TPRG1: variants seen among roughly 807,000 people sequenced by gnomAD.
TPRG1 encodes tumor protein p63-regulated gene 1 protein.
A neutral mutation model predicts 29.3 loss-of-function variants in TPRG1; 29 were observed. That is an observed-to-expected ratio of 0.99 (90% CI 0.74 to 1.35). The LOEUF is 1.35. Among genes scored for constraint, TPRG1 ranks in the 40% most tolerant of loss-of-function variants. The probability of loss-of-function intolerance (pLI) is 0.00; values close to 1 mark genes in which losing one functional copy is unlikely to be tolerated. For missense variants in TPRG1, 327 were observed against 335.0 expected (o/e 0.98, Z 0.19); for synonymous variants, 130 against 116.8 (o/e 1.11, Z -0.73).
At chr3:189,121,839 A>AAG (rs1021863479) in intron 1 of TPRG1, 31 of 152,146 alleles carry the variant, frequency 2.0e-4, no homozygotes, top group African/African-American at 7.0e-4. Context: ...CCCAATGAAG[A>AAG]AGAGCAGATT....
At chr3:189,199,595 T>A (rs551722193) in intron 1 of TPRG1, among the ~76,000 whole-genome samples, 132 of 152,240 alleles carry the variant, frequency 8.7e-4, no homozygotes, top group African/African-American at 2.1e-3. Context: ...ATCCCAGCAC[T>A]TTTGGGAAGC....
chr3:189,270,365 T>C (rs1714910070), intron 4 of TPRG1, among the ~76,000 whole-genome samples: 1 of 152,210 alleles, frequency 6.6e-6, no homozygotes, highest in African/African-American at 2.4e-5. Context: ...TTCTGAGATT[T>C]CAAATACATT....
intron 3 of TPRG1, among the ~76,000 whole-genome samples, chr3:189,007,450 G>A (rs1246183125): frequency 1.3e-5 from 2 of 151,870 alleles, no homozygotes; most frequent in Non-Finnish European, 2.9e-5. Flanking sequence ...TTGTTGGTGG[G>A]ACTGTAAACT....
intron 3 of TPRG1, among the ~76,000 whole-genome samples, chr3:189,143,314 T>G (rs1724827394): frequency 6.6e-6 from 1 of 152,226 alleles, no homozygotes; most frequent in African/African-American, 2.4e-5. Context: ...TTTCTCCGAA[T>G]GACATCTATA....
At chr3:189,306,843 G>GA (rs11449933) in intron 4 of TPRG1, among the ~76,000 whole-genome samples, 54,891 of 151,918 alleles carry the variant, frequency 0.36, 10,471 homozygotes, top group Middle Eastern at 0.42. Context: ...GTGACCTACA[G>GA]ATCAGAAAGG....
intron 4 of TPRG1, among the ~76,000 whole-genome samples, chr3:189,048,863 C>T (rs936783747): frequency 3.3e-5 from 5 of 152,220 alleles, no homozygotes; most frequent in Non-Finnish European, 1.5e-5. Context: ...GTCCGCAACA[C>T]ACACCCCCAC....
intron 1 of TPRG1, among the ~76,000 whole-genome samples, chr3:189,000,330 T>A (rs1169227642): frequency 6.6e-6 from 1 of 152,300 alleles, no homozygotes; most frequent in South Asian, 2.1e-4. Flanking sequence ...ACATCAACCA[T>A]ATTTTTAAAG....
intron 4 of TPRG1, among the ~76,000 whole-genome samples, chr3:189,026,898 C>G (rs546831319): frequency 1.3e-5 from 2 of 152,300 alleles, no homozygotes; most frequent in East Asian, 3.9e-4. Flanking sequence ...AGAGCATTGA[C>G]TCCACACCCA....
intron 1 of TPRG1, among the ~76,000 whole-genome samples, chr3:189,195,677 G>A (rs917301151): frequency 1.3e-5 from 2 of 152,230 alleles, no homozygotes; most frequent in Non-Finnish European, 1.5e-5. Context: ...CTTAGTGCCT[G>A]TGAGCACAGC....
chr3:189,150,613 C>T (rs1269317871), intron 4 of TPRG1: 1 of 152,158 alleles, frequency 6.6e-6, no homozygotes, highest in Non-Finnish European at 1.5e-5. Flanking sequence ...ACCAGGATCA[C>T]AATACATGAT....
At chr3:189,238,974 C>T (rs982554972) in intron 4 of TPRG1, 65 bp downstream of exon 4, 66 of 1,432,046 alleles carry the variant, frequency 4.6e-5, no homozygotes, top group South Asian at 1.1e-4. Context: ...GAAAACAAGC[C>T]GAAAATTCAG....
chr3:189,320,812 G>A lies in TPRG1; in HGVS notation c.820G>A (p.Gly274Ser). Residue 274 changes from glycine (G) to serine (S), a missense_variant, in exon 6 of 6, where the codon GGT (glycine) becomes AGT (serine). Transcript: ENST00000345063. ...LGYSLARGSI[G>S]F ...CTATTCCCTTGCCCGTGGGAGTATT[G>A]GTTTTTGAGAGTCTTTTTGGTACCA... The A allele has an allele frequency of 6.3e-7, 1 of 1,578,308 alleles. No individual in the cohort carries two copies. The highest frequency in any genetic ancestry group is 1.2e-5 in the South Asian group (1 of 84,608).
At chr3:189,092,678 C>T (rs537511157) in intron 4 of TPRG1, among the ~76,000 whole-genome samples, 3 of 152,226 alleles carry the variant, frequency 2.0e-5, no homozygotes, top group African/African-American at 7.2e-5. Flanking sequence ...TCTACATCTG[C>T]CTGTCTGACT....
chr3:189,112,498 T>C (rs1210030100), intron 1 of TPRG1, among the ~76,000 whole-genome samples: 6 of 152,204 alleles, frequency 3.9e-5, no homozygotes, highest in Non-Finnish European at 8.8e-5. Flanking sequence ...CTAGGGTTTT[T>C]ATGGTTTTAG....
chr3:189,324,395 T>C lies in TPRG1; in HGVS notation c.*3575T>C, dbSNP rs1026605880. On this transcript the variant is annotated 3_prime_UTR_variant, in exon 6 of 6. Transcript: ENST00000345063. ...ACTGCTCTTTCCAATATAATATCTG[T>C]ATTCCATGGGAAAGACATGCCATCT... The C allele has an allele frequency of 6.6e-6, 1 of 152,184 alleles. No homozygotes were observed. Among genetic ancestry groups the C allele is most frequent in the Non-Finnish European group, 1.5e-5 (1 of 68,040 alleles). The allele number at this position is 152,184 out of a possible 1,614,324, so 9.4% of individuals were successfully genotyped here. A position where few individuals can be genotyped will look rare whatever the true frequency, so the allele number is the denominator to read the frequency against.
chr3:189,287,896 A>G (rs1220802187), intron 4 of TPRG1, among the ~76,000 whole-genome samples: 1 of 152,156 alleles, frequency 6.6e-6, no homozygotes, highest in African/African-American at 2.4e-5. Context: ...AATTTGCGAA[A>G]AGATTGAGAA....
In TPRG1 at chr3:189,253,448, G is replaced by A. The variant is rs566766887; in HGVS notation, c.479+14539G>A. ...CATGAACTCATTCTTTTTGATGGCT[G>A]CATAGTAGTCCATGGTGTATGTGTG... On this transcript the variant is annotated intron_variant, in intron 4 of 5. Transcript: ENST00000345063. Among the ~76,000 whole-genome samples the A allele has an allele frequency of 5.9e-5, 9 of 152,302 alleles. No homozygotes were observed. In the South Asian group the frequency reaches 1.9e-3, roughly 32 times the overall value.
intron 4 of TPRG1, among the ~76,000 whole-genome samples, chr3:189,035,849 G>A (rs963678757): frequency 6.6e-6 from 1 of 152,114 alleles, no homozygotes; most frequent in Admixed American, 6.5e-5. Flanking sequence ...ATCTAGCGTG[G>A]AAAGTAGTTT....
chr3:189,047,861 TCTC>T (rs1715074468), intron 4 of TPRG1, among the ~76,000 whole-genome samples: 1 of 152,184 alleles, frequency 6.6e-6, no homozygotes, highest in Admixed American at 6.5e-5. Context: ...AGGCTCCACT[TCTC>T]ATTCTAGTTA....
Sources: gnomAD v4.1 joint callset for allele counts (sites outside exome capture counted in the v4.1 genomes callset) on GRCh38, gnomAD v4.1.1 for gene constraint, MANE v1.5 for transcripts, NCBI Gene and HGNC (gene_info 2026-07-23, HGNC 2026-07-21) for gene names.